CPNE8: variants seen among roughly 807,000 people sequenced by gnomAD.
CPNE8 encodes the protein copine 8, also known as copine-8.
CPNE8 carries 45 observed loss-of-function variants against 81.5 expected under a neutral mutation model. The observed-to-expected ratio is 0.55, with a 90% CI of 0.44 to 0.71. The LOEUF is 0.71. Among genes scored for constraint, CPNE8 ranks in the 30% least tolerant of loss-of-function variants. The pLI, the probability that CPNE8 is intolerant of heterozygous loss-of-function variation, is 0.00. For missense variants in CPNE8, 594 were observed against 672.1 expected (o/e 0.88, Z 1.28); for synonymous variants, 252 against 226.3 (o/e 1.11, Z -1.02).
chr12:38,806,394 C>G (rs1322079319), intron 6 of CPNE8, among the ~76,000 whole-genome samples: 3 of 148,930 alleles, frequency 2.0e-5, no homozygotes, highest in African/African-American at 7.3e-5. Flanking sequence ...CATCAAAAAG[C>G]TTATCCACCA....
chr12:38,770,111 C>T (rs1029471535), intron 7 of CPNE8, among the ~76,000 whole-genome samples: 1 of 152,018 alleles, frequency 6.6e-6, no homozygotes, highest in African/African-American at 2.4e-5. Flanking sequence ...TTTTTAAGAC[C>T]TCTCTTTAAT....
intron 16 of CPNE8, among the ~76,000 whole-genome samples, chr12:38,679,177 T>A (rs1179718371): frequency 6.6e-6 from 1 of 151,858 alleles, no homozygotes; most frequent in Admixed American, 6.6e-5. Context: ...TTTTATGCTT[T>A]TCTTACCAAA....
chr12:38,894,413 G>C, intron 1 of CPNE8, among the ~76,000 whole-genome samples: 1 of 151,688 alleles, frequency 6.6e-6, no homozygotes. Flanking sequence ...TATTGATTAC[G>C]CCTCCTTTCC....
intron 6 of CPNE8, among the ~76,000 whole-genome samples, chr12:38,795,874 T>TAGATAGATAGATAGAC (rs1555160630): frequency 6.6e-6 from 1 of 151,542 alleles, no homozygotes; most frequent in Non-Finnish European, 1.5e-5. Context: ...GATGGATAGA[T>TAGATAGATAGATAGAC]AGATAGATAG....
At chr12:38,854,245 T>C (rs933703523) in intron 3 of CPNE8, among the ~76,000 whole-genome samples, 1 of 151,790 alleles carries the variant, frequency 6.6e-6, no homozygotes, top group Non-Finnish European at 1.5e-5. Context: ...ATTCTCATAC[T>C]CTTCCTCTTG....
chr12:38,775,923 T>A lies in CPNE8; in HGVS notation c.471+315A>T, dbSNP rs73107196. ...GATCTTCAAAAATACTGCAAAAAAG[T>A]TTGCAGTAATTGAACTGATTGGTAT... On this transcript the variant is annotated intron_variant, in intron 7 of 19. Coordinates refer to ENST00000331366, the MANE Select transcript of CPNE8 (RefSeq NM_153634.3). Among the ~76,000 whole-genome samples, 1,412 of 152,250 alleles carry A rather than the reference T, an allele frequency of 9.3e-3. 18 individuals carry two copies. Among genetic ancestry groups the A allele is most frequent in the Middle Eastern group, 0.027 (8 of 294 alleles).
intron 11 of CPNE8, among the ~76,000 whole-genome samples, chr12:38,728,935 T>C (rs767541860): frequency 1.2e-4 from 19 of 152,128 alleles, no homozygotes; most frequent in Non-Finnish European, 2.2e-4. Context: ...CCTTACAGGG[T>C]ATTTAAGAAC....
At chr12:38,778,866 C>G (rs186195079) in intron 6 of CPNE8, among the ~76,000 whole-genome samples, 1 of 152,116 alleles carries the variant, frequency 6.6e-6, no homozygotes, top group Non-Finnish European at 1.5e-5. Context: ...TCATGCATTG[C>G]TTAATTCTTG....
At chr12:38,664,414 A>C (rs1446297939) in intron 19 of CPNE8, among the ~76,000 whole-genome samples, 1 of 152,114 alleles carries the variant, frequency 6.6e-6, no homozygotes, top group East Asian at 1.9e-4. Context: ...ATTAACTTAC[A>C]CATTTATATA....
At chr12:38,796,300 C>CA (rs1008965195) in intron 6 of CPNE8, among the ~76,000 whole-genome samples, 183 of 145,424 alleles carry the variant, frequency 1.3e-3, no homozygotes, top group Non-Finnish European at 1.4e-3. Context: ...AAATTAAAAA[C>CA]AAAAAAAAAA....
chr12:38,750,731 G>T (rs565304867), intron 10 of CPNE8, among the ~76,000 whole-genome samples: 8 of 152,164 alleles, frequency 5.3e-5, no homozygotes, highest in Non-Finnish European at 1.2e-4. Flanking sequence ...TATTTTATAG[G>T]CTCATAGGCA....
At position 38,803,437 on chromosome 12, in the gene CPNE8, G is replaced by C. The variant is rs1035678132; in HGVS notation, c.407+25942C>G. Among the ~76,000 whole-genome samples the C allele has an allele frequency of 9.5e-4, 143 of 150,294 alleles. 1 individual carries two copies. Among genetic ancestry groups the C allele is most frequent in the African/African-American group, 3.3e-3 (134 of 40,976 alleles). ...GATTATCTCAATAGATGCAGAAAAA[G>C]CCTTTGACAAAATTCAACAACCCTT... On this transcript the variant is annotated intron_variant, in intron 6 of 19. Transcript: ENST00000331366.
At chr12:38,805,867 TAAAG>T (rs1317794485) in intron 6 of CPNE8, among the ~76,000 whole-genome samples, 2 of 148,886 alleles carry the variant, frequency 1.3e-5, no homozygotes, top group Non-Finnish European at 3.0e-5. Flanking sequence ...GCAAGACTAA[TAAAG>T]AAGAAGAGAG....
chr12:38,698,330 G>A (rs929384363), intron 14 of CPNE8, among the ~76,000 whole-genome samples: 9 of 152,070 alleles, frequency 5.9e-5, no homozygotes, highest in Admixed American at 6.6e-5. Flanking sequence ...TATGATTTGC[G>A]AACATTTTTT....
At chr12:38,778,860 G>A (rs2136898164) in intron 6 of CPNE8, among the ~76,000 whole-genome samples, 1 of 152,266 alleles carries the variant, frequency 6.6e-6, no homozygotes, top group East Asian at 1.9e-4. Flanking sequence ...ATACAGTCAT[G>A]CATTGCTTAA....
Position 38,801,542 on chromosome 12 carries a change from G to A in CPNE8, c.408-25241C>T, listed in dbSNP as rs201140934. Among the ~76,000 whole-genome samples, 59 of 12,288 alleles carry A rather than the reference G, an allele frequency of 4.8e-3. 1 individual carries two copies. The highest frequency in any genetic ancestry group is 0.042 in the East Asian group (13 of 310). The allele number at this position is 12,288 out of a possible 152,430, so 8.1% of individuals were successfully genotyped here. ...TGGAAAGGAACAACCGGTACCAGCC[G>A]CTGCAAAATCATGCCAAAATGTAAA... On this transcript the variant is annotated intron_variant, in intron 6 of 19. Coordinates refer to ENST00000331366, the MANE Select transcript of CPNE8 (RefSeq NM_153634.3).
At chr12:38,773,379 A>G (rs1565607733) in intron 7 of CPNE8, among the ~76,000 whole-genome samples, 1 of 152,138 alleles carries the variant, frequency 6.6e-6, no homozygotes, top group South Asian at 2.1e-4. Flanking sequence ...AGTGACTAAT[A>G]TATGACATTG....
intron 3 of CPNE8, among the ~76,000 whole-genome samples, chr12:38,868,134 TA>T (rs1943942544): frequency 6.6e-6 from 1 of 152,080 alleles, no homozygotes; most frequent in Admixed American, 6.5e-5. Flanking sequence ...AATACAAACA[TA>T]ACCACTATAT....
rs145308973 is a variant in CPNE8 at position 38,761,784 on chromosome 12, T to G, written c.680+328A>C. 2.6e-3 allele frequency among the ~76,000 whole-genome samples: 401 copies of G among 152,308 alleles called. 2 individuals carry two copies. Among genetic ancestry groups the G allele is most frequent in the African/African-American group, 9.4e-3 (391 of 41,582 alleles). On this transcript the variant is annotated intron_variant, in intron 9 of 19. Coordinates refer to ENST00000331366, the MANE Select transcript of CPNE8 (RefSeq NM_153634.3). ...TGGAACTTTTGTGAATCAGCAACCA[T>G]GAGTTATGCCAAATAACATTTTCAA...
Sources: allele counts gnomAD v4.1 joint callset (sites outside exome capture counted in the v4.1 genomes callset), GRCh38; gene constraint gnomAD v4.1.1; transcripts MANE v1.5; gene names NCBI Gene and HGNC (gene_info 2026-07-23, HGNC 2026-07-21).